FGD4: variants seen among roughly 807,000 people sequenced by gnomAD.
FGD4 encodes FYVE, RhoGEF and PH domain-containing protein 4.
FGD4 carries 42 observed loss-of-function variants against 102.0 expected under a neutral mutation model. That is an observed-to-expected ratio of 0.41 (90% confidence interval 0.32 to 0.53). The LOEUF (loss-of-function observed/expected upper bound fraction) is 0.53, where lower values mean the gene tolerates loss of function less well. Among genes scored for constraint, FGD4 ranks in the 20% least tolerant of loss-of-function variants. The pLI, the probability that FGD4 is intolerant of heterozygous loss-of-function variation, is 0.21. For synonymous variants in FGD4, 380 were observed against 375.7 expected (o/e 1.01, Z -0.13); for missense variants, 902 against 1,078.2 (o/e 0.84, Z 2.29).
chr12:32,600,584 C>CTTTTTTTT lies in FGD4; in HGVS notation c.1102-691_1102-690insTTTTTTTT, dbSNP rs776556112. 2.3e-3 allele frequency: 618 copies of CTTTTTTTT among 269,226 alleles called. 19 individuals are homozygous for CTTTTTTTT. The highest frequency in any genetic ancestry group is 0.02 in the African/African-American group (495 of 24,796). The allele number at this position is 269,226 out of a possible 1,614,324, so 16.7% of individuals were successfully genotyped here. ...GTTTTTTGTTTTTCTTTCTTTCTTT[C>CTTTTTTTT]TTTCTTTCTTTTTTTTTTTTTTGTC... is the stretch of plus-strand genomic sequence containing the variant. On this transcript the variant is annotated intron_variant, in intron 5 of 16. Coordinates refer to ENST00000534526, the MANE Select transcript of FGD4 (RefSeq NM_001370298.3).
chr12:32,457,705 T>G (rs1565751563), intron 1 of FGD4, among the ~76,000 whole-genome samples: 1 of 152,180 alleles, frequency 6.6e-6, no homozygotes, highest in Non-Finnish European at 1.5e-5. Flanking sequence ...GGACTCTTAC[T>G]AAAATGATCA....
chr12:32,624,516 C>T, intron 12 of FGD4, 64 bp downstream of exon 12: 1 of 1,344,478 alleles, frequency 7.4e-7, no homozygotes, highest in Non-Finnish European at 1.0e-6. Flanking sequence ...CACTCTCACC[C>T]AGTCTGGAGT....
chr12:32,425,910 A>G (rs1941814287), intron 1 of FGD4, among the ~76,000 whole-genome samples: 1 of 152,156 alleles, frequency 6.6e-6, no homozygotes, highest in African/African-American at 2.4e-5. Flanking sequence ...TTGCACATTG[A>G]TTTTGTATCC....
intron 1 of FGD4, among the ~76,000 whole-genome samples, chr12:32,435,500 T>TGTGTGTGG (rs1157542082): frequency 1.3e-5 from 2 of 151,380 alleles, no homozygotes; most frequent in East Asian, 3.9e-4. Flanking sequence ...ATTAAAAAAG[T>TGTGTGTGG]GTGTGTGTGT....
At chr12:32,584,595 C>G (rs930196040) in intron 4 of FGD4, among the ~76,000 whole-genome samples, 5 of 150,824 alleles carry the variant, frequency 3.3e-5, no homozygotes, top group African/African-American at 1.2e-4. Flanking sequence ...GTAACCCCCC[C>G]CTCCCAAAAA....
chr12:32,644,438 A>G lies in FGD4; in HGVS notation c.*3905A>G, dbSNP rs886049273. Reference sequence around the variant, plus strand: ...TATGTAAAAACACTGTTGATTTGCAATTCTGTCTTTCCATAGAAATGAACT... The same window carrying G: ...TATGTAAAAACACTGTTGATTTGCAGTTCTGTCTTTCCATAGAAATGAACT... On this transcript the variant is annotated 3_prime_UTR_variant, in exon 17 of 17. Transcript: ENST00000534526. 2 of 151,158 alleles carry G rather than the reference A, an allele frequency of 1.3e-5. No individual in the cohort carries two copies. Among genetic ancestry groups the G allele is most frequent in the Non-Finnish European group, 3.0e-5 (2 of 67,444 alleles). 9.4% of individuals were successfully genotyped at this position (151,158 alleles called of 1,614,324 possible). A position where few individuals can be genotyped will look rare whatever the true frequency, so the allele number is the denominator to read the frequency against.
chr12:32,496,376 G>A (rs1174099963), intron 1 of FGD4, among the ~76,000 whole-genome samples: 1 of 152,214 alleles, frequency 6.6e-6, no homozygotes, highest in African/African-American at 2.4e-5. Flanking sequence ...GAATGTCTGT[G>A]TGATGTATCT....
chr12:32,399,851 C>T lies in FGD4; in HGVS notation c.58C>T (p.Pro20Ser), dbSNP rs1940573515. 5.9e-6 allele frequency: 9 copies of T among 1,531,554 alleles called. No homozygotes were observed. Among genetic ancestry groups the T allele is most frequent in the Non-Finnish European group, 7.9e-6 (9 of 1,145,308 alleles). The allele number at this position is 1,531,554 out of a possible 1,614,324, so 94.9% of individuals were successfully genotyped here. A position where few individuals can be genotyped will look rare whatever the true frequency, so the allele number is the denominator to read the frequency against. Residue 20 changes from proline (P) to serine (S), a missense_variant, in exon 1 of 17, where the codon CCC (proline) becomes TCC (serine). By Grantham distance (74) the Pro-to-Ser change is moderately conservative. This residue lies in a region of FGD4 where 443 missense variants were observed against 459.2 expected (regional missense o/e 0.96). Transcript: ENST00000534526. ...GGTGGCGATCCGGCGGAAGTCCAAC[C>T]CCTCCTACCTGCCGCCCGGGGTGCC... ...RRVAIRRKSN[P>S]SYLPPGVPRP...
intron 1 of FGD4, among the ~76,000 whole-genome samples, chr12:32,479,858 G>A (rs1349933356): frequency 4.3e-5 from 6 of 138,108 alleles, no homozygotes; most frequent in South Asian, 2.3e-4. Flanking sequence ...GCGCAATCTC[G>A]GCTCACTGCA....
At chr12:32,491,132 TAAAA>T (rs72008264) in intron 1 of FGD4, among the ~76,000 whole-genome samples, 1 of 106,564 alleles carries the variant, frequency 9.4e-6, no homozygotes, top group Non-Finnish European at 1.8e-5. Flanking sequence ...TTCTGCCAGT[TAAAA>T]AAAAAAAAAA....
At chr12:32,590,291 CA>C (rs1947362709) in intron 4 of FGD4, among the ~76,000 whole-genome samples, 1 of 98,854 alleles carries the variant, frequency 1.0e-5, no homozygotes, top group African/African-American at 4.1e-5. Context: ...GCCTGGGGGA[CA>C]AGAGTGAGAC....
chr12:32,560,277 C>T (rs764474920), intron 1 of FGD4, among the ~76,000 whole-genome samples: 85 of 152,286 alleles, frequency 5.6e-4, no homozygotes, highest in Admixed American at 3.6e-3. Context: ...GATGGTGTCT[C>T]GCTCTGTCAC....
intron 1 of FGD4, among the ~76,000 whole-genome samples, chr12:32,459,006 A>C (rs1006786975): frequency 2.6e-5 from 4 of 152,196 alleles, no homozygotes; most frequent in Admixed American, 2.0e-4. Context: ...TCCTTTCCTC[A>C]TGTAACTGGC....
At chr12:32,470,873 G>A (rs1316796534) in intron 1 of FGD4, among the ~76,000 whole-genome samples, 1 of 152,180 alleles carries the variant, frequency 6.6e-6, no homozygotes, top group Non-Finnish European at 1.5e-5. Context: ...AGATTGGGCT[G>A]TATTCTGGTC....
chr12:32,631,239 A>G (rs2137000065), intron 14 of FGD4, among the ~76,000 whole-genome samples: 1 of 152,336 alleles, frequency 6.6e-6, no homozygotes, highest in Admixed American at 6.5e-5. Flanking sequence ...GGAACAAACT[A>G]TGGAATGAAG....
chr12:32,560,837 C>T (rs551899358), intron 1 of FGD4, among the ~76,000 whole-genome samples: 3 of 151,908 alleles, frequency 2.0e-5, no homozygotes, highest in South Asian at 2.1e-4. Flanking sequence ...GGACCACAAG[C>T]GCGCACCACC....
chr12:32,492,503 T>C (rs542089114), intron 1 of FGD4, among the ~76,000 whole-genome samples: 4 of 152,374 alleles, frequency 2.6e-5, no homozygotes, highest in African/African-American at 9.6e-5. Flanking sequence ...GATTTTAATT[T>C]CTTCTTTATA....
intron 10 of FGD4, among the ~76,000 whole-genome samples, chr12:32,612,016 G>T (rs1346790932): frequency 6.6e-6 from 1 of 152,262 alleles, no homozygotes; most frequent in African/African-American, 2.4e-5. Context: ...AAGCCTAGGT[G>T]CTGTTGCAAA....
At chr12:32,538,767 A>G (rs1942532488) in intron 1 of FGD4, among the ~76,000 whole-genome samples, 1 of 152,090 alleles carries the variant, frequency 6.6e-6, no homozygotes, top group South Asian at 2.1e-4. Flanking sequence ...TTAAAGATGT[A>G]CTTAGGCCAG....
Sources: gnomAD v4.1 joint callset for allele counts (sites outside exome capture counted in the v4.1 genomes callset) on GRCh38, gnomAD v4.1.1 for gene constraint, gnomAD v4.1.1 regional missense constraint, MANE v1.5 for transcripts, NCBI Gene and HGNC (gene_info 2026-07-23, HGNC 2026-07-21) for gene names.